Variants in TRIM24 observed in about 807,000 individuals in gnomAD.
TRIM24 encodes the protein tripartite motif containing 24.
A neutral mutation model predicts 123.9 loss-of-function variants in TRIM24; 29 were observed. The ratio of observed to expected loss-of-function variants is 0.23; its 90% CI spans 0.17 to 0.32. The LOEUF is 0.32. Ranked by LOEUF, TRIM24 falls within the 10% of genes least tolerant of loss-of-function variation. The pLI, the probability that TRIM24 is intolerant of heterozygous loss-of-function variation, is 1.00. For synonymous variants in TRIM24, 456 were observed against 461.1 expected (o/e 0.99, Z 0.14); for missense variants, 932 against 1,295.3 (o/e 0.72, Z 4.31).
chr7:138,584,066 C>T, intron 18 of TRIM24, 67 bp downstream of exon 18: 1 of 1,519,592 alleles, frequency 6.6e-7, no homozygotes, highest in Non-Finnish European at 8.8e-7. Flanking sequence ...TTACTAAACA[C>T]CTTGTCAACA....
At chr7:138,471,834 C>T (rs1466072009) in intron 1 of TRIM24, among the ~76,000 whole-genome samples, 2 of 152,138 alleles carry the variant, frequency 1.3e-5, no homozygotes, top group Admixed American at 1.3e-4. Context: ...AGCCACCGCA[C>T]CCGGCCTGGT....
chr7:138,559,159 C>T (rs1797375280), intron 9 of TRIM24, among the ~76,000 whole-genome samples: 1 of 152,132 alleles, frequency 6.6e-6, no homozygotes, highest in Admixed American at 6.5e-5. Context: ...CTGGCTATTT[C>T]CTGGGTCACA....
rs1797784394 is a variant in TRIM24 at position 138,577,451 on chromosome 7, G to T, written c.2119G>T (p.Asp707Tyr). 1 of 1,590,696 alleles carries T rather than the reference G, an allele frequency of 6.3e-7. No individual in the cohort carries two copies. The highest frequency in any genetic ancestry group is 1.1e-5 in the South Asian group (1 of 87,448). ...CTCTTCCAGCAAACCAGCAGGAGCT[G>T]ACTCTACACACAAAGTCCCAGTGGT... ...SGSSSKPAGADSTHKVPVVML... is the reference protein window; with the variant it reads ...SGSSSKPAGAYSTHKVPVVML... Residue 707 changes from aspartate to tyrosine, a missense_variant, in exon 14 of 19, where the codon GAC becomes TAC. By Grantham distance (160) the Asp-to-Tyr change is radical. Around this residue, in one of 7 missense-constraint regions of TRIM24, gnomAD observed 527 missense variants for 691.3 expected, o/e 0.76. Transcript: ENST00000343526.
At chr7:138,532,544 A>G (rs2116594032) in intron 6 of TRIM24, among the ~76,000 whole-genome samples, 1 of 152,132 alleles carries the variant, frequency 6.6e-6, no homozygotes, top group Middle Eastern at 3.4e-3. Context: ...GCTATTTCTG[A>G]GGGCTCTGTT....
rs1797285701 is a variant in TRIM24, at chr7:138,554,948, A to G, written c.1512A>G (p.Gln504=). The change falls in exon 9 of 19, where the codon CAA becomes CAG. Residue 504 remains glutamine, a synonymous_variant. Transcript: ENST00000343526. This position sits in a 1 kb window ranked among gnomAD's most constrained non-coding sequence, Gnocchi z 4.5. ...CTAGAATGCAGGGGCCCATCCAGCA[A>G]CCTTCCATCTCTCATCAGGTAAATT... The part of the protein sequence containing the change: ...PNPRMQGPIQ[Q]PSISHQQPPP... 6.2e-7 allele frequency: 1 copy of G among 1,614,028 alleles called. No individual in the cohort carries two copies. Among genetic ancestry groups the G allele is most frequent in the Non-Finnish European group, 8.5e-7 (1 of 1,179,918 alleles).
chr7:138,517,286 C>G (rs1460655927), intron 3 of TRIM24, among the ~76,000 whole-genome samples: 2 of 152,038 alleles, frequency 1.3e-5, no homozygotes, highest in Non-Finnish European at 2.9e-5. Context: ...TTGTATTTAT[C>G]TAATTATCAG....
chr7:138,476,184 C>T (rs1414281869), intron 1 of TRIM24, among the ~76,000 whole-genome samples: 2 of 152,170 alleles, frequency 1.3e-5, no homozygotes, highest in Non-Finnish European at 2.9e-5. Context: ...CCTAGATTAA[C>T]ACAACTGAAA....
chr7:138,561,374 G>A (rs1449769474), intron 9 of TRIM24, among the ~76,000 whole-genome samples: 1 of 152,226 alleles, frequency 6.6e-6, no homozygotes, highest in Non-Finnish European at 1.5e-5. Context: ...ACACGGCAAT[G>A]AAGGGGGCCT....
chr7:138,577,665 G>GT (rs955226176), intron 14 of TRIM24, 77 bp downstream of exon 14: 3,301 of 1,165,270 alleles, frequency 2.8e-3, no homozygotes, highest in East Asian at 5.6e-3. Context: ...GCTCTTAGGA[G>GT]TTTTTTTTTA....
intron 1 of TRIM24, among the ~76,000 whole-genome samples, chr7:138,463,082 G>A (rs901214514): frequency 7.3e-6 from 1 of 137,350 alleles, no homozygotes; most frequent in African/African-American, 2.7e-5. Context: ...TAGAGGCGGG[G>A]TTACTCCATG....
chr7:138,570,901 G>A lies in TRIM24; in HGVS notation c.1776G>A (p.Thr592=), dbSNP rs754183037. Residue 592 remains threonine (T), a synonymous_variant, in exon 11 of 19, where the codon ACG becomes ACA. Transcript: ENST00000343526. The stretch of plus-strand genomic sequence containing the variant: ...CATCCTCTACTCCTTCCAGCCCCAC[G>A]ATTACTAGTGCAGCAGGATATGATG... The part of the protein sequence containing the change: ...NSTSSTPSSP[T]ITSAAGYDGK... The A allele has an allele frequency of 9.9e-6, 16 of 1,614,000 alleles. No homozygotes were observed. The highest frequency in any genetic ancestry group is 3.3e-5 in the South Asian group (3 of 91,074).
intron 7 of TRIM24, 95 bp downstream of exon 7, chr7:138,538,898 G>A (rs902264069): frequency 1.4e-5 from 16 of 1,169,794 alleles, no homozygotes; most frequent in Non-Finnish European, 1.7e-5. Flanking sequence ...TTGTGCATCA[G>A]TGCTTTTTAC....
At position 138,589,936 on chromosome 7, in the gene TRIM24, A is replaced by G. The variant is rs1454441979; in HGVS notation, c.*4985A>G. The stretch of plus-strand genomic sequence containing the variant: ...ATTAAGTCCTAATTTGAGTCCTAAA[A>G]AAATCTTTCCTTGTTAGTTGCAAGT... On this transcript the variant is annotated 3_prime_UTR_variant, in exon 19 of 19. Coordinates refer to ENST00000343526, the MANE Select transcript of TRIM24 (RefSeq NM_015905.3). The G allele has an allele frequency of 6.6e-6, 1 of 152,204 alleles. No individual in the cohort carries two copies. Among genetic ancestry groups the G allele is most frequent in the Non-Finnish European group, 1.5e-5 (1 of 68,040 alleles). 9.4% of individuals were successfully genotyped at this position (152,204 alleles called of 1,614,324 possible).
At chr7:138,474,978 C>A (rs1320039515) in intron 1 of TRIM24, among the ~76,000 whole-genome samples, 1 of 152,184 alleles carries the variant, frequency 6.6e-6, no homozygotes, top group African/African-American at 2.4e-5. Context: ...TGCACCCTAA[C>A]AATGTAGGTA....
chr7:138,511,950 G>T (rs902551541), intron 2 of TRIM24, among the ~76,000 whole-genome samples: 1 of 152,154 alleles, frequency 6.6e-6, no homozygotes, highest in East Asian at 1.9e-4. Flanking sequence ...TCAAAAACAT[G>T]TTACTTCCAA....
chr7:138,518,965 T>G (rs1399687202), intron 3 of TRIM24, among the ~76,000 whole-genome samples: 3 of 152,210 alleles, frequency 2.0e-5, no homozygotes, highest in African/African-American at 7.2e-5. Flanking sequence ...GAACTAATGT[T>G]AATTTCTACT....
intron 1 of TRIM24, among the ~76,000 whole-genome samples, chr7:138,493,856 C>T (rs1354415006): frequency 6.6e-6 from 1 of 152,160 alleles, no homozygotes; most frequent in Non-Finnish European, 1.5e-5. Flanking sequence ...TACCAATAAC[C>T]TTATCACAGC....
At chr7:138,582,062 C>A (rs1797906424) in intron 17 of TRIM24, among the ~76,000 whole-genome samples, 1 of 152,018 alleles carries the variant, frequency 6.6e-6, no homozygotes. Context: ...GAGTTTTAGG[C>A]ATGTTTCCGA....
intron 7 of TRIM24, among the ~76,000 whole-genome samples, chr7:138,548,002 G>A (rs1176483539): frequency 1.3e-5 from 2 of 152,118 alleles, no homozygotes; most frequent in South Asian, 2.1e-4. Context: ...AATATAGGGT[G>A]TAAGAAAAAG....
Sources: allele counts gnomAD v4.1 joint callset (sites outside exome capture counted in the v4.1 genomes callset), GRCh38; gene constraint gnomAD v4.1.1; regional missense constraint gnomAD v4.1.1; non-coding constraint Gnocchi (gnomAD v3.1); transcripts MANE v1.5; gene names NCBI Gene and HGNC (gene_info 2026-07-23, HGNC 2026-07-21).